RBFOX3: variants seen among roughly 807,000 people sequenced by gnomAD.
RBFOX3 encodes RNA binding protein fox-1 homolog 3.
A neutral mutation model predicts 48.7 loss-of-function variants in RBFOX3; 17 were observed. The ratio of observed to expected loss-of-function variants is 0.35; its 90% CI spans 0.24 to 0.52. The LOEUF (loss-of-function observed/expected upper bound fraction) is 0.52. Ranked by LOEUF, RBFOX3 falls within the 20% of genes least tolerant of loss-of-function variation. The probability of loss-of-function intolerance (pLI) is 0.94; values close to 1 mark genes in which losing one functional copy is unlikely to be tolerated. For missense variants in RBFOX3, 382 were observed against 497.5 expected, an observed-to-expected ratio of 0.77 and a Z score of 2.21; for synonymous variants, 212 against 209.5, an observed-to-expected ratio of 1.01 and a Z score of -0.10.
chr17:79,095,331 CTG>C (rs2074991714), intron 13 of RBFOX3, among the ~76,000 whole-genome samples, 180 bp downstream of exon 13: 1 of 152,184 alleles, frequency 6.6e-6, no homozygotes. Context: ...CAGGAAGTGA[CTG>C]AAGTCAGGGG....
intron 3 of RBFOX3, among the ~76,000 whole-genome samples, chr17:79,246,734 T>C (rs968939844): frequency 6.6e-6 from 1 of 152,204 alleles, no homozygotes; most frequent in Non-Finnish European, 1.5e-5. Flanking sequence ...CTTTGAGACC[T>C]GAAGAGGCAC....
intron 3 of RBFOX3, among the ~76,000 whole-genome samples, chr17:79,290,136 G>C (rs9904969): frequency 0.18 from 27,369 of 151,978 alleles, 2,818 homozygotes; most frequent in Middle Eastern, 0.29. Context: ...CATGCTGTAG[G>C]GGGGTCCTCA....
the RBFOX3 span, among the ~76,000 whole-genome samples, chr17:79,635,909 C>T: frequency 6.6e-6 from 1 of 152,024 alleles, no homozygotes; most frequent in South Asian, 2.1e-4. Flanking sequence ...TAAATAATAC[C>T]AGGATAGAAC....
chr17:79,365,346 C>T (rs1160527180), intron 2 of RBFOX3, among the ~76,000 whole-genome samples: 8 of 152,146 alleles, frequency 5.3e-5, no homozygotes, highest in African/African-American at 1.9e-4. Context: ...ATACAACAAA[C>T]TCCTAAATGA....
At chr17:79,215,224 G>A (rs772015218) in intron 4 of RBFOX3, among the ~76,000 whole-genome samples, 2 of 151,942 alleles carry the variant, frequency 1.3e-5, no homozygotes, top group Admixed American at 6.5e-5. Context: ...CAGACTGCAT[G>A]CTGCCGCCCT....
chr17:79,277,123 A>G (rs1371069918), intron 3 of RBFOX3, among the ~76,000 whole-genome samples: 1 of 152,232 alleles, frequency 6.6e-6, no homozygotes, highest in Non-Finnish European at 1.5e-5. Context: ...ACCAGGGACC[A>G]GAGTAAGCCC....
chr17:79,433,272 A>G (rs1187520216), intron 2 of RBFOX3, among the ~76,000 whole-genome samples: 2 of 152,144 alleles, frequency 1.3e-5, no homozygotes, highest in African/African-American at 4.8e-5. Context: ...CTCCCTCACC[A>G]CAGTCCTACC....
chr17:79,552,951 A>C (rs1182853321), intron 1 of RBFOX3, among the ~76,000 whole-genome samples: 1 of 152,216 alleles, frequency 6.6e-6, no homozygotes, highest in Non-Finnish European at 1.5e-5. Context: ...CATCTAAAAA[A>C]GGGTAATACT....
At chr17:79,344,517 G>C (rs1415542996) in intron 2 of RBFOX3, among the ~76,000 whole-genome samples, 1 of 150,854 alleles carries the variant, frequency 6.6e-6, no homozygotes, top group African/African-American at 2.4e-5. Flanking sequence ...GCAGAGGATG[G>C]ATTCATGTTG....
At chr17:79,141,938 C>T (rs563198767) in intron 4 of RBFOX3, among the ~76,000 whole-genome samples, 3 of 152,256 alleles carry the variant, frequency 2.0e-5, no homozygotes, top group Admixed American at 6.5e-5. Context: ...AAGAAAGGGA[C>T]GCACACAGGT....
At chr17:79,542,306 G>C (rs1259362741) in intron 1 of RBFOX3, among the ~76,000 whole-genome samples, 1 of 152,168 alleles carries the variant, frequency 6.6e-6, no homozygotes, top group African/African-American at 2.4e-5. Flanking sequence ...CTCACAAGGG[G>C]CTCCCCAATG....
intron 1 of RBFOX3, among the ~76,000 whole-genome samples, chr17:79,519,797 C>T (rs2085790625): frequency 6.6e-6 from 1 of 152,148 alleles, no homozygotes; most frequent in Non-Finnish European, 1.5e-5. Context: ...ACTCTGGACA[C>T]CAGGGCGGGG....
the RBFOX3 span, among the ~76,000 whole-genome samples, chr17:79,632,542 A>G: frequency 1.3e-5 from 2 of 152,020 alleles, no homozygotes; most frequent in Non-Finnish European, 2.9e-5. Context: ...ATTGCTGGCC[A>G]AGTCACATGG....
intron 14 of RBFOX3, among the ~76,000 whole-genome samples, chr17:79,091,168 G>C (rs1351826932): frequency 6.6e-6 from 1 of 152,220 alleles, no homozygotes. Flanking sequence ...CACAGGCTTC[G>C]AGGCGGCCTG....
At chr17:79,579,373 C>T (rs942470617) in intron 1 of RBFOX3, among the ~76,000 whole-genome samples, 1 of 152,220 alleles carries the variant, frequency 6.6e-6, no homozygotes, top group Admixed American at 6.5e-5. Flanking sequence ...CCGGTTTGCT[C>T]CCCAAAACCA....
Position 79,574,655 on chromosome 17 carries a change from G to A in RBFOX3, c.-320+36171C>T, listed in dbSNP as rs898048572. Among the ~76,000 whole-genome samples the A allele has an allele frequency of 9.9e-3, 1,508 of 152,288 alleles. 20 individuals are homozygous for A. The highest frequency in any genetic ancestry group is 0.034 in the African/African-American group (1,416 of 41,560). On this transcript the variant is annotated intron_variant, in intron 1 of 14. Coordinates refer to ENST00000693108, the MANE Select transcript of RBFOX3 (RefSeq NM_001350451.2). ...CAAGAAGTAACTATAAGTATACTCC[G>A]TTGAGTAGCCCATGCCGCTGCTCCG...
chr17:79,164,160 A>G (rs529815988), intron 4 of RBFOX3, among the ~76,000 whole-genome samples: 1 of 152,264 alleles, frequency 6.6e-6, no homozygotes, highest in Non-Finnish European at 1.5e-5. Flanking sequence ...AAGATCCCAG[A>G]GATCCCAGGC....
chr17:79,619,702 G>A, the RBFOX3 span, among the ~76,000 whole-genome samples: 5 of 152,072 alleles, frequency 3.3e-5, no homozygotes, highest in Non-Finnish European at 5.9e-5. Context: ...GGCAGGCTCC[G>A]GGGCAGGTGG....
At chr17:79,264,682 T>C (rs1333284725) in intron 3 of RBFOX3, among the ~76,000 whole-genome samples, 3 of 152,184 alleles carry the variant, frequency 2.0e-5, no homozygotes, top group Admixed American at 6.5e-5. Flanking sequence ...CTTCCCCAGT[T>C]CACCCACCTG....
Sources: gnomAD v4.1 joint callset for allele counts (sites outside exome capture counted in the v4.1 genomes callset) on GRCh38, gnomAD v4.1.1 for gene constraint, MANE v1.5 for transcripts, NCBI Gene and HGNC (gene_info 2026-07-23, HGNC 2026-07-21) for gene names.